ANK3: variants seen among roughly 807,000 people sequenced by gnomAD.
ANK3 encodes the protein ankyrin 3, also known as ankyrin-3.
Under a neutral mutation model 370.9 loss-of-function variants are expected in ANK3, and 57 were observed. That is an observed-to-expected ratio of 0.15 (90% CI 0.12 to 0.19). The LOEUF is 0.19. Among genes scored for constraint, ANK3 ranks in the 10% least tolerant of loss-of-function variants. The pLI, the probability that ANK3 is intolerant of heterozygous loss-of-function variation, is 1.00. For synonymous variants in ANK3, 1,929 were observed against 1,946.3 expected (o/e 0.99, Z 0.23); for missense variants, 4,439 against 5,302.1 (o/e 0.84, Z 5.06).
chr10:60,724,666 TA>T (rs1414666709), intron 1 of ANK3, among the ~76,000 whole-genome samples: 1 of 152,234 alleles, frequency 6.6e-6, no homozygotes, highest in East Asian at 1.9e-4. Flanking sequence ...ACAAGGAACT[TA>T]ATTTTTAAAT....
intron 10 of ANK3, among the ~76,000 whole-genome samples, chr10:60,206,382 A>G (rs2096762990): frequency 6.6e-6 from 1 of 152,200 alleles, no homozygotes; most frequent in African/African-American, 2.4e-5. Flanking sequence ...CTGAGGCAGG[A>G]GAATCACTTG....
intron 2 of ANK3, among the ~76,000 whole-genome samples, chr10:60,476,258 T>C (rs1277412482): frequency 6.6e-6 from 1 of 152,144 alleles, no homozygotes; most frequent in Non-Finnish European, 1.5e-5. Context: ...AAGGAGTTAA[T>C]AAAGTTGAAG....
chr10:60,432,144 T>C (rs900868848), intron 2 of ANK3, among the ~76,000 whole-genome samples: 3 of 152,198 alleles, frequency 2.0e-5, no homozygotes, highest in Non-Finnish European at 4.4e-5. Flanking sequence ...ATAGGCCTAA[T>C]ATCCATACAA....
chr10:60,173,035 C>T (rs2095835788), intron 19 of ANK3, 37 bp from the exon 20 acceptor site: 1 of 1,609,652 alleles, frequency 6.2e-7, no homozygotes, highest in Non-Finnish European at 8.5e-7. Context: ...TTCTTAATTC[C>T]TTTGAAGCAA....
chr10:60,307,499 T>A (rs1383311561), intron 1 of ANK3, among the ~76,000 whole-genome samples: 1 of 136,902 alleles, frequency 7.3e-6, no homozygotes, highest in Admixed American at 7.2e-5. Flanking sequence ...TGCCTGGCTA[T>A]TTTTTTTTTT....
chr10:60,386,465 T>A (rs924632662), intron 1 of ANK3, among the ~76,000 whole-genome samples: 8 of 151,648 alleles, frequency 5.3e-5, no homozygotes, highest in Non-Finnish European at 8.8e-5. Context: ...TAACACTACT[T>A]AAGTTATGTC....
chr10:60,573,106 G>T, intron 2 of ANK3: 1 of 645,652 alleles, frequency 1.5e-6, no homozygotes, highest in Non-Finnish European at 1.9e-6. Context: ...GCAGTCGGGA[G>T]AGTGATAAAA....
intron 43 of ANK3, among the ~76,000 whole-genome samples, chr10:60,040,692 C>G (rs1381094782): frequency 1.3e-5 from 2 of 152,168 alleles, no homozygotes; most frequent in African/African-American, 2.4e-5. Context: ...AAGCATAGCA[C>G]TGTCATATTT....
intron 2 of ANK3, among the ~76,000 whole-genome samples, chr10:60,449,657 C>T (rs2064544785): frequency 6.6e-6 from 1 of 152,158 alleles, no homozygotes; most frequent in Non-Finnish European, 1.5e-5. Flanking sequence ...ATAAAAGGGC[C>T]TAATAATCAT....
chr10:60,294,344 C>T (rs1489606231), intron 1 of ANK3, among the ~76,000 whole-genome samples: 4 of 152,056 alleles, frequency 2.6e-5, no homozygotes, highest in Admixed American at 2.6e-4. Context: ...TTTAAAAGCC[C>T]AGAGGAGTTG....
chr10:60,456,752 T>C (rs1320429559), intron 2 of ANK3, among the ~76,000 whole-genome samples: 1 of 152,152 alleles, frequency 6.6e-6, no homozygotes, highest in Non-Finnish European at 1.5e-5. Flanking sequence ...CCCAAGTTCC[T>C]CTAAGACTCA....
At chr10:60,372,444 C>T (rs2060227021) in intron 1 of ANK3, among the ~76,000 whole-genome samples, 1 of 151,824 alleles carries the variant, frequency 6.6e-6, no homozygotes, top group Non-Finnish European at 1.5e-5. Context: ...GAGCGTTTAA[C>T]TTGAAGAGAA....
chr10:60,033,536 A>AAAAC (rs1554812948), intron 43 of ANK3, among the ~76,000 whole-genome samples: 37,122 of 97,282 alleles, frequency 0.38, 7,945 homozygotes, highest in Non-Finnish European at 0.51. Context: ...AAAAAAAAAA[A>AAAAC]AAACTTGGAA....
intron 1 of ANK3, among the ~76,000 whole-genome samples, chr10:60,378,725 T>C (rs1038536926): frequency 2.0e-5 from 3 of 151,944 alleles, no homozygotes; most frequent in Non-Finnish European, 2.9e-5. Flanking sequence ...GAGACCCAAA[T>C]ATAAGACCCC....
chr10:60,095,084 T>G (rs1349182402), intron 28 of ANK3, among the ~76,000 whole-genome samples: 1 of 152,214 alleles, frequency 6.6e-6, no homozygotes, highest in Non-Finnish European at 1.5e-5. Flanking sequence ...GCCGCATTGC[T>G]CGGCATCATG....
At chr10:60,338,403 A>C (rs929673824) in intron 1 of ANK3, among the ~76,000 whole-genome samples, 2 of 152,138 alleles carry the variant, frequency 1.3e-5, no homozygotes, top group Admixed American at 1.3e-4. Flanking sequence ...GGAGCTCAAG[A>C]ATGTGCATTT....
rs1175928436 is a variant in ANK3 at position 60,306,451 on chromosome 10, A to ATATC, written c.115-26816_115-26813dup. The stretch of plus-strand genomic sequence containing the variant: ...TGCATATATATATATATATATATAT[A>ATATC]TATCTATCTTTATCCACTTGTTGGC... On this transcript the variant is annotated intron_variant, in intron 1 of 43. Coordinates refer to ENST00000280772, the MANE Select transcript of ANK3 (RefSeq NM_020987.5). Among the ~76,000 whole-genome samples, 4 of 28,176 alleles carry ATATC rather than the reference A, an allele frequency of 1.4e-4. No homozygotes were observed. In the Admixed American group the frequency reaches 1.4e-3, roughly 10 times the overall value. The allele number at this position is 28,176 out of a possible 152,430, so 18.5% of individuals were successfully genotyped here.
At position 60,069,969 on chromosome 10, in the gene ANK3, T is replaced by G. The variant is rs1483145753; in HGVS notation, c.10912A>C (p.Thr3638Pro). ...RLQFFQIGEH[T>P]SEGKSGDQGE... is the part of the protein sequence containing the mutation. Reference sequence around the variant, plus strand: ...TGGTCCCCTGACTTCCCTTCAGAAGTATGCTCACCAATCTGGAAAAATTGG... The same window carrying G: ...TGGTCCCCTGACTTCCCTTCAGAAGGATGCTCACCAATCTGGAAAAATTGG... Residue 3638 changes from threonine to proline, a missense_variant, in exon 37 of 44, where the codon ACT becomes CCT. Transcript: ENST00000280772. The G allele has an allele frequency of 1.9e-6, 3 of 1,614,022 alleles. No homozygotes were observed. Among genetic ancestry groups the G allele is most frequent in the Non-Finnish European group, 2.5e-6 (3 of 1,180,016 alleles).
intron 8 of ANK3, among the ~76,000 whole-genome samples, chr10:60,230,773 C>T (rs1229839672): frequency 6.6e-6 from 1 of 151,906 alleles, no homozygotes; most frequent in Non-Finnish European, 1.5e-5. Context: ...CCTGTAGTCC[C>T]AGCTACTCAG....
Sources: gnomAD v4.1 joint callset for allele counts (sites outside exome capture counted in the v4.1 genomes callset) on GRCh38, gnomAD v4.1.1 for gene constraint, MANE v1.5 for transcripts, NCBI Gene and HGNC (gene_info 2026-07-23, HGNC 2026-07-21) for gene names.